SLF2: variants seen among roughly 807,000 people sequenced by gnomAD.
SLF2 encodes the protein SMC5-SMC6 complex localization factor protein 2.
A neutral mutation model predicts 124.3 loss-of-function variants in SLF2; 68 were observed. The ratio of observed to expected loss-of-function variants is 0.55; its 90% confidence interval spans 0.45 to 0.67. SLF2 has a LOEUF of 0.67. Among genes scored for constraint, SLF2 ranks in the 30% least tolerant of loss-of-function variants. SLF2 has a pLI of 0.00. For synonymous variants in SLF2, 480 were observed against 478.8 expected (o/e 1.00, Z -0.03); for missense variants, 1,246 against 1,373.7 (o/e 0.91, Z 1.47).
intron 1 of SLF2, 34 bp downstream of exon 1, chr10:100,913,284 C>G (rs778145445): frequency 6.5e-7 from 1 of 1,532,146 alleles, no homozygotes; most frequent in Non-Finnish European, 8.8e-7. Context: ...GGGGCCGGGT[C>G]GCGGGGGCAA....
At position 100,924,369 on chromosome 10, in the gene SLF2, T is replaced by C. The variant is rs1241198284; in HGVS notation, c.1368T>C (p.Leu456=). The C allele has an allele frequency of 3.1e-6, 5 of 1,613,730 alleles. No individual in the cohort carries two copies. The East Asian group carries it at 8.9e-5, about 29-fold the overall frequency. The change falls in exon 5 of 20, where the codon CTT becomes CTC. Residue 456 remains leucine, a synonymous_variant. Coordinates refer to ENST00000238961, the MANE Select transcript of SLF2 (RefSeq NM_018121.4). ...EKSAIKKASN[L]QKNKTASSTT... ...CTGCAATTAAAAAAGCTAGCAACCT[T>C]CAGAAAAATAAAACCGCTAGCTCCA...
chr10:100,915,587 G>T (rs1041803112), intron 1 of SLF2, among the ~76,000 whole-genome samples: 3 of 152,074 alleles, frequency 2.0e-5, no homozygotes, highest in African/African-American at 7.2e-5. Context: ...TTAAAACGCA[G>T]CTGTGCTTAG....
At chr10:100,959,375 G>A in intron 18 of SLF2, 53 bp from the exon 19 acceptor site, 3 of 1,530,456 alleles carry the variant, frequency 2.0e-6, no homozygotes, top group East Asian at 2.3e-5. Flanking sequence ...TAAGCTGATT[G>A]TAGGTGAGAA....
chr10:100,953,560 T>G (rs771173155), intron 17 of SLF2, among the ~76,000 whole-genome samples: 31 of 151,894 alleles, frequency 2.0e-4, no homozygotes, highest in Non-Finnish European at 4.1e-4. Context: ...TCTTCACAAT[T>G]TACTAATATA....
intron 4 of SLF2, among the ~76,000 whole-genome samples, chr10:100,919,557 CT>C (rs1320582859): frequency 6.6e-6 from 1 of 152,054 alleles, no homozygotes; most frequent in African/African-American, 2.4e-5. Context: ...TACATTTTAT[CT>C]TTTTTTAAAA....
chr10:100,936,153 G>A (rs1023778558), intron 9 of SLF2, among the ~76,000 whole-genome samples: 5 of 151,432 alleles, frequency 3.3e-5, no homozygotes, highest in Admixed American at 6.6e-5. Context: ...GAGACACTGC[G>A]CCTGGCCCTA....
intron 1 of SLF2, 131 bp downstream of exon 1, chr10:100,913,381 A>G: frequency 7.3e-7 from 1 of 1,364,044 alleles, no homozygotes. Flanking sequence ...GGGGCCTGGC[A>G]AATCCCCGCC....
chr10:100,927,149 A>G (rs926855360), intron 6 of SLF2, among the ~76,000 whole-genome samples: 1 of 152,172 alleles, frequency 6.6e-6, no homozygotes, highest in African/African-American at 2.4e-5. Context: ...GTTCAGTGGC[A>G]TTAAGTAAAT....
At chr10:100,932,735 G>A (rs1261716181) in intron 9 of SLF2, among the ~76,000 whole-genome samples, 2 of 151,042 alleles carry the variant, frequency 1.3e-5, no homozygotes, top group Admixed American at 6.6e-5. Context: ...GCGCGCGCGC[G>A]CGCACATTTG....
rs1388477815 is a variant in SLF2 at position 100,950,705 on chromosome 10, T to C, written c.3282T>C (p.His1094=). ...QAYYLTYILL[H]LVGEVSCSHS... The stretch of plus-strand genomic sequence containing the variant: ...ATTACCTGACCTACATTCTTCTTCA[T>C]TTAGTCGGTGAAGTTAGTTGTTCTC... The change falls in exon 17 of 20, where the codon CAT becomes CAC. Residue 1094 remains histidine (H), a synonymous_variant. Coordinates refer to ENST00000238961, the MANE Select transcript of SLF2 (RefSeq NM_018121.4). 1.2e-6 allele frequency: 2 copies of C among 1,613,960 alleles called. No homozygotes were observed. The highest frequency in any genetic ancestry group is 1.7e-5 in the Admixed American group (1 of 60,020).
rs928851857 is a variant in SLF2, at chr10:100,964,263, T to A, written c.*2351T>A. ...AAACGAAGCTTGCACTGAGTGGTGGTGTGTTTGGCAATATTACTGTGCCAA... is the reference window on the plus strand; with the variant it reads ...AAACGAAGCTTGCACTGAGTGGTGGAGTGTTTGGCAATATTACTGTGCCAA... On this transcript the variant is annotated 3_prime_UTR_variant, in exon 20 of 20. Coordinates refer to ENST00000238961, the MANE Select transcript of SLF2 (RefSeq NM_018121.4). 1.3e-5 allele frequency: 2 copies of A among 152,672 alleles called. No individual in the cohort carries two copies. Among genetic ancestry groups the A allele is most frequent in the African/African-American group, 4.8e-5 (2 of 41,450 alleles). 9.5% of individuals were successfully genotyped at this position (152,672 alleles called of 1,614,324 possible). A position where few individuals can be genotyped will look rare whatever the true frequency, so the allele number is the denominator to read the frequency against.
chr10:100,914,962 C>T (rs1400317850), intron 1 of SLF2, among the ~76,000 whole-genome samples: 1 of 152,152 alleles, frequency 6.6e-6, no homozygotes, highest in Non-Finnish European at 1.5e-5. Flanking sequence ...TAAAATGATA[C>T]ATTTTAGCAA....
rs1473796298 is a variant in SLF2, at chr10:100,931,651, T to C, written c.2436+573T>C. On this transcript the variant is annotated intron_variant, in intron 9 of 19. Coordinates refer to ENST00000238961, the MANE Select transcript of SLF2 (RefSeq NM_018121.4). ...TATGTATGGAGTTCTGGTGTTACTC[T>C]AGATACTTCGGACCTTCATGCAGAT... Among the ~76,000 whole-genome samples the C allele has an allele frequency of 2.0e-5, 3 of 152,190 alleles. No individual in the cohort carries two copies. In the East Asian group the frequency reaches 5.8e-4, roughly 29 times the overall value.
chr10:100,941,021 A>G (rs1244982337), intron 11 of SLF2, among the ~76,000 whole-genome samples: 1 of 149,034 alleles, frequency 6.7e-6, no homozygotes, highest in Non-Finnish European at 1.5e-5. Flanking sequence ...AAATCTTTTT[A>G]TAGAGAGTGG....
intron 18 of SLF2, among the ~76,000 whole-genome samples, chr10:100,957,330 A>ATTTTTTTTTTTTTTTTTTTTT (rs71013477): frequency 1.1e-5 from 1 of 91,830 alleles, no homozygotes; most frequent in Non-Finnish European, 1.9e-5. Flanking sequence ...GGAGTCTTCA[A>ATTTTTTTTTTTTTTTTTTTTT]TTTTTTTTTT....
At chr10:100,913,334 T>C in intron 1 of SLF2, 84 bp downstream of exon 1, 1 of 1,380,060 alleles carries the variant, frequency 7.2e-7, no homozygotes, top group Non-Finnish European at 9.4e-7. Context: ...CTCTTCCAGT[T>C]CCCGCCATCC....
intron 4 of SLF2, 55 bp downstream of exon 4, chr10:100,918,496 C>A: frequency 8.6e-7 from 1 of 1,159,048 alleles, no homozygotes; most frequent in Non-Finnish European, 1.2e-6. Context: ...TTTAATGGCA[C>A]TGCTTTTTAA....
intron 4 of SLF2, among the ~76,000 whole-genome samples, chr10:100,919,215 G>A (rs562865953): frequency 1.3e-5 from 2 of 151,890 alleles, no homozygotes; most frequent in East Asian, 1.9e-4. Context: ...GTTTCACCAC[G>A]TTAGCCAGGA....
At chr10:100,954,377 T>G (rs1196612276) in intron 17 of SLF2, among the ~76,000 whole-genome samples, 3 of 152,246 alleles carry the variant, frequency 2.0e-5, no homozygotes, top group Non-Finnish European at 4.4e-5. Context: ...ATGAACATGC[T>G]TATTCATATA....
Sources: allele counts gnomAD v4.1 joint callset (sites outside exome capture counted in the v4.1 genomes callset), GRCh38; gene constraint gnomAD v4.1.1; transcripts MANE v1.5; gene names NCBI Gene and HGNC (gene_info 2026-07-23, HGNC 2026-07-21).